Variants in TTC7B observed in about 807,000 individuals in gnomAD.
The protein encoded by TTC7B is tetratricopeptide repeat protein 7B.
A neutral mutation model predicts 106.8 loss-of-function variants in TTC7B; 28 were observed. That is an observed-to-expected ratio of 0.26 (90% CI 0.19 to 0.36). TTC7B has a LOEUF of 0.36. TTC7B is among the 10% of genes least tolerant of loss of function. The probability of loss-of-function intolerance (pLI) is 1.00; values close to 1 mark genes in which losing one functional copy is unlikely to be tolerated. For missense variants in TTC7B, 862 were observed against 1,076.4 expected (o/e 0.80, Z 2.79); for synonymous variants, 405 against 430.6 (o/e 0.94, Z 0.74).
At chr14:90,626,635 C>G (rs1268022661) in intron 15 of TTC7B, among the ~76,000 whole-genome samples, 1 of 152,218 alleles carries the variant, frequency 6.6e-6, no homozygotes, top group Non-Finnish European at 1.5e-5. Context: ...ACCAGAAGTT[C>G]AGCAAATTCA....
rs891098389 is a variant in TTC7B, at chr14:90,532,744, C to T, written c.*8624G>A. On this transcript the variant is annotated 3_prime_UTR_variant, in exon 20 of 20. Transcript: ENST00000328459. ...CAGGTACCTGTGTCTGGCCAGGGGT[C>T]CTTGATACACCGTGGCTGAACACAG... 6.6e-6 allele frequency: 1 copy of T among 152,256 alleles called. No individual in the cohort carries two copies. The highest frequency in any genetic ancestry group is 2.1e-4 in the South Asian group (1 of 4,838). 9.4% of individuals were successfully genotyped at this position (152,256 alleles called of 1,614,324 possible).
At position 90,587,704 on chromosome 14, in the gene TTC7B, G is replaced by A. The variant is rs572636725; in HGVS notation, c.2107+5782C>T. On this transcript the variant is annotated intron_variant, in intron 18 of 19. Coordinates refer to ENST00000328459, the MANE Select transcript of TTC7B (RefSeq NM_001010854.2). ...AAATGCCATGAAGGCCAGGAGCTGTGTCTGTCTTCATAACCATAGGACTCC... is the reference window on the plus strand; with the variant it reads ...AAATGCCATGAAGGCCAGGAGCTGTATCTGTCTTCATAACCATAGGACTCC... Among the ~76,000 whole-genome samples the A allele has an allele frequency of 7.2e-5, 11 of 152,332 alleles. No individual in the cohort carries two copies. The South Asian group carries it at 2.3e-3, about 32-fold the overall frequency.
rs542780891 is a variant in TTC7B, at chr14:90,571,686, C to T, written c.2310+6420G>A. On this transcript the variant is annotated intron_variant, in intron 19 of 19. Coordinates refer to ENST00000328459, the MANE Select transcript of TTC7B (RefSeq NM_001010854.2). ...TGATACTTCGGATGAAAGAGATCCACGTCTAAAGATGGCCATTTGAAAGCG... is the reference window on the plus strand; with the variant it reads ...TGATACTTCGGATGAAAGAGATCCATGTCTAAAGATGGCCATTTGAAAGCG... 2.6e-5 allele frequency among the ~76,000 whole-genome samples: 4 copies of T among 152,300 alleles called. No homozygotes were observed. The East Asian group carries it at 7.7e-4, about 29-fold the overall frequency.
At position 90,527,041 on chromosome 14, in the gene TTC7B, T is replaced by G. The variant is rs898349793; in HGVS notation, c.*14327A>C. 1 of 152,150 alleles carries G rather than the reference T, an allele frequency of 6.6e-6. No homozygotes were observed. The highest frequency in any genetic ancestry group is 1.5e-5 in the Non-Finnish European group (1 of 68,038). The allele number at this position is 152,150 out of a possible 1,614,324, so 9.4% of individuals were successfully genotyped here. On this transcript the variant is annotated 3_prime_UTR_variant, in exon 20 of 20. Transcript: ENST00000328459. ...TGCTCTTGGTAGTTTTGAGGGGTAT[T>G]GGTCAGGTATTTTGTAGAAAGTTCA...
chr14:90,582,234 G>C (rs1367740256), intron 18 of TTC7B, among the ~76,000 whole-genome samples: 2 of 152,230 alleles, frequency 1.3e-5, no homozygotes, highest in African/African-American at 4.8e-5. Context: ...CTGCCTCTGA[G>C]GCGCCACTGG....
intron 3 of TTC7B, chr14:90,767,028 C>CA (rs71301958): frequency 0.093 from 48,364 of 519,002 alleles, 1,222 homozygotes; most frequent in African/African-American, 0.22. Flanking sequence ...GTTTATATAC[C>CA]AAAAAAAAAA....
At chr14:90,763,359 TAGAAA>T (rs1890565395) in intron 3 of TTC7B, among the ~76,000 whole-genome samples, 1 of 152,118 alleles carries the variant, frequency 6.6e-6, no homozygotes, top group Admixed American at 6.5e-5. Context: ...AAACTAGAAA[TAGAAA>T]AGAGCTTCTT....
intron 5 of TTC7B, among the ~76,000 whole-genome samples, chr14:90,721,202 T>C (rs144733167): frequency 2.9e-4 from 44 of 151,906 alleles, no homozygotes; most frequent in African/African-American, 9.9e-4. Context: ...CCCATTTTTC[T>C]GCTGAAACCA....
intron 7 of TTC7B, 152 bp from the exon 8 acceptor site, chr14:90,680,687 A>G (rs763731232): frequency 1.6e-4 from 98 of 603,718 alleles, no homozygotes; most frequent in Non-Finnish European, 2.3e-4. Flanking sequence ...GCCTATTTCT[A>G]TGGTAATCTA....
rs1182054160 is a variant in TTC7B at position 90,742,622 on chromosome 14, C to T, written c.576+2170G>A. Among the ~76,000 whole-genome samples the T allele has an allele frequency of 6.6e-6, 1 of 152,314 alleles. No homozygotes were observed. The highest frequency in any genetic ancestry group is 1.9e-4 in the East Asian group (1 of 5,180). On this transcript the variant is annotated intron_variant, in intron 4 of 19. Coordinates refer to ENST00000328459, the MANE Select transcript of TTC7B (RefSeq NM_001010854.2). The surrounding 1 kb of genome is among the most constrained non-coding windows in gnomAD (Gnocchi z 4.1). ...AGTTCTAAAACTAGTTTTGGCCTAA[C>T]TTTCTGTGTGCCTGGGCTCTCCCTT...
intron 3 of TTC7B, among the ~76,000 whole-genome samples, chr14:90,773,359 T>C (rs1890922815): frequency 6.6e-6 from 1 of 152,190 alleles, no homozygotes; most frequent in Admixed American, 6.5e-5. Context: ...GCATCAACCA[T>C]ATCCTCACTC....
chr14:90,682,255 T>C (rs933353882), intron 7 of TTC7B, among the ~76,000 whole-genome samples: 2 of 152,178 alleles, frequency 1.3e-5, no homozygotes, highest in African/African-American at 4.8e-5. Context: ...GTTTGAGCCA[T>C]CCAGCCTGCT....
intron 3 of TTC7B, among the ~76,000 whole-genome samples, chr14:90,754,558 T>C (rs1890228740): frequency 6.6e-6 from 1 of 152,234 alleles, no homozygotes; most frequent in South Asian, 2.1e-4. Context: ...ATTATATTAC[T>C]TTTGTATATA....
chr14:90,542,854 C>T (rs1889667413), intron 19 of TTC7B, among the ~76,000 whole-genome samples: 1 of 152,144 alleles, frequency 6.6e-6, no homozygotes, highest in Non-Finnish European at 1.5e-5. Context: ...TAGGGCAAAT[C>T]TCCCCAAACT....
At chr14:90,688,327 T>G (rs1887326203) in intron 7 of TTC7B, among the ~76,000 whole-genome samples, 1 of 151,966 alleles carries the variant, frequency 6.6e-6, no homozygotes, top group South Asian at 2.1e-4. Flanking sequence ...CTGTCTCTAC[T>G]AAAAATACAA....
At chr14:90,809,931 A>G (rs1319398213) in intron 1 of TTC7B, among the ~76,000 whole-genome samples, 1 of 152,262 alleles carries the variant, frequency 6.6e-6, no homozygotes, top group African/African-American at 2.4e-5. Context: ...GGCTCACTCT[A>G]TGCAGGCACT....
At chr14:90,665,010 T>G (rs1566826105) in intron 9 of TTC7B, among the ~76,000 whole-genome samples, 1 of 152,074 alleles carries the variant, frequency 6.6e-6, no homozygotes, top group African/African-American at 2.4e-5. Flanking sequence ...AGTCTTTGAG[T>G]GGCATGAGCT....
chr14:90,708,157 A>AAG (rs1237477323), intron 5 of TTC7B, among the ~76,000 whole-genome samples: 1 of 151,498 alleles, frequency 6.6e-6, no homozygotes, highest in African/African-American at 2.4e-5. Context: ...AAAAAAAAAA[A>AAG]AAAAAAAAAA....
chr14:90,640,184 G>T (rs1210936551), intron 15 of TTC7B, among the ~76,000 whole-genome samples: 2 of 151,936 alleles, frequency 1.3e-5, no homozygotes, highest in African/African-American at 4.8e-5. Flanking sequence ...GAGGCTGAAG[G>T]ATCCATTGAG....
Sources: gnomAD v4.1 joint callset for allele counts (sites outside exome capture counted in the v4.1 genomes callset) on GRCh38, gnomAD v4.1.1 for gene constraint, Gnocchi (gnomAD v3.1) non-coding constraint, MANE v1.5 for transcripts, NCBI Gene and HGNC (gene_info 2026-07-23, HGNC 2026-07-21) for gene names.